Variants in UNC5C observed in about 807,000 individuals in gnomAD.
The protein encoded by UNC5C is unc-5 netrin receptor C, also known as netrin receptor UNC5C.
A neutral mutation model predicts 99.8 loss-of-function variants in UNC5C; 47 were observed. That is an observed-to-expected ratio of 0.47 (90% CI 0.37 to 0.60). The LOEUF is 0.60. UNC5C is among the 20% of genes least tolerant of loss of function. The pLI is 0.00. For missense variants in UNC5C, 1,062 were observed against 1,165.9 expected, an observed-to-expected ratio of 0.91 and a Z score of 1.30; for synonymous variants, 487 against 452.2, an observed-to-expected ratio of 1.08 and a Z score of -0.98.
chr4:95,213,921 T>C (rs1448890847), intron 10 of UNC5C, among the ~76,000 whole-genome samples: 2 of 152,130 alleles, frequency 1.3e-5, no homozygotes, highest in African/African-American at 4.8e-5. Flanking sequence ...GATGGCACAT[T>C]AGGAAGCAGA....
chr4:95,351,223 C>G (rs1743976087), intron 1 of UNC5C, among the ~76,000 whole-genome samples: 1 of 152,174 alleles, frequency 6.6e-6, no homozygotes, highest in African/African-American at 2.4e-5. Flanking sequence ...CTTTTCTTCC[C>G]CATGAGATGG....
intron 12 of UNC5C, among the ~76,000 whole-genome samples, chr4:95,193,554 G>T (rs533279305): frequency 6.6e-6 from 1 of 152,098 alleles, no homozygotes; most frequent in Admixed American, 6.5e-5. Flanking sequence ...AATCACATCT[G>T]CCATCAGATT....
chr4:95,445,760 T>G (rs1368377837), intron 1 of UNC5C, among the ~76,000 whole-genome samples: 1 of 151,902 alleles, frequency 6.6e-6, no homozygotes, highest in Non-Finnish European at 1.5e-5. Context: ...GTGAGAGAAA[T>G]GTAGATCGAG....
intron 6 of UNC5C, among the ~76,000 whole-genome samples, chr4:95,244,262 C>A (rs765406590): frequency 6.6e-6 from 1 of 152,118 alleles, no homozygotes; most frequent in Non-Finnish European, 1.5e-5. Flanking sequence ...TATAACGAGG[C>A]ATTTTAAAGG....
At position 95,166,049 on chromosome 4, in the gene UNC5C, G is replaced by A. The variant is rs1167196464; in HGVS notation, c.*3185C>T. 1 of 152,174 alleles carries A rather than the reference G, an allele frequency of 6.6e-6. No homozygotes were observed. The highest frequency in any genetic ancestry group is 1.5e-5 in the Non-Finnish European group (1 of 68,026). The allele number at this position is 152,174 out of a possible 1,614,324, so 9.4% of individuals were successfully genotyped here. On this transcript the variant is annotated 3_prime_UTR_variant, in exon 16 of 16. Transcript: ENST00000453304. ...TCATAAAGGTCCTTGAACTCTACAG[G>A]TTTTCATTCCCTTCGTCAAACACAT...
chr4:95,215,621 A>T (rs1212624130), intron 10 of UNC5C, among the ~76,000 whole-genome samples: 1 of 152,010 alleles, frequency 6.6e-6, no homozygotes, highest in Non-Finnish European at 1.5e-5. Context: ...ATAAGTGTTA[A>T]ACATAAGAAG....
chr4:95,172,252 C>T (rs1736150235), intron 14 of UNC5C, among the ~76,000 whole-genome samples: 1 of 149,172 alleles, frequency 6.7e-6, no homozygotes, highest in South Asian at 2.1e-4. Context: ...AATGAGATCC[C>T]ATTTGTCAAT....
intron 1 of UNC5C, among the ~76,000 whole-genome samples, chr4:95,436,237 T>C (rs17023861): frequency 0.16 from 24,860 of 151,650 alleles, 2,595 homozygotes; most frequent in Admixed American, 0.3. Flanking sequence ...AACAGCTAGA[T>C]AAAAAGTAAT....
chr4:95,281,722 G>A (rs981844054), intron 3 of UNC5C, among the ~76,000 whole-genome samples: 1 of 152,206 alleles, frequency 6.6e-6, no homozygotes. Flanking sequence ...AGATGGGCAG[G>A]GAAGCAGAGA....
chr4:95,376,022 C>T (rs1190570104), intron 1 of UNC5C, among the ~76,000 whole-genome samples: 2 of 152,106 alleles, frequency 1.3e-5, no homozygotes, highest in Admixed American at 6.6e-5. Context: ...CACTGCACTC[C>T]AGCCTGGGCA....
chr4:95,448,992 C>G (rs1419991667), intron 1 of UNC5C, among the ~76,000 whole-genome samples: 1 of 152,060 alleles, frequency 6.6e-6, no homozygotes. Context: ...CCAGGTAAGA[C>G]CCCATATCCA....
chr4:95,211,724 A>T (rs1738080817), intron 10 of UNC5C, among the ~76,000 whole-genome samples: 1 of 152,174 alleles, frequency 6.6e-6, no homozygotes, highest in Non-Finnish European at 1.5e-5. Flanking sequence ...CGCCTACTTT[A>T]TCTTATCTTT....
chr4:95,387,305 G>A (rs1195628039), intron 1 of UNC5C, among the ~76,000 whole-genome samples: 1 of 151,994 alleles, frequency 6.6e-6, no homozygotes, highest in Non-Finnish European at 1.5e-5. Flanking sequence ...TGCCAGGCTA[G>A]TTTTAATTGG....
chr4:95,478,101 A>G (rs1261408379), intron 1 of UNC5C, among the ~76,000 whole-genome samples: 1 of 151,994 alleles, frequency 6.6e-6, no homozygotes, highest in Non-Finnish European at 1.5e-5. Flanking sequence ...CCAAAACCCA[A>G]TACCAAATTT....
chr4:95,426,274 C>A (rs752537646), intron 1 of UNC5C, among the ~76,000 whole-genome samples: 59 of 152,132 alleles, frequency 3.9e-4, no homozygotes, highest in Admixed American at 1.8e-3. Context: ...TTTTGATGTG[C>A]CATGAACCAC....
intron 1 of UNC5C, among the ~76,000 whole-genome samples, chr4:95,372,471 A>G (rs6846874): frequency 0.46 from 69,187 of 151,768 alleles, 17,750 homozygotes; most frequent in African/African-American, 0.7. Flanking sequence ...CAGAAAAGCG[A>G]TTTCCAAACG....
At chr4:95,338,858 G>C (rs536964926) in intron 1 of UNC5C, among the ~76,000 whole-genome samples, 1 of 151,972 alleles carries the variant, frequency 6.6e-6, no homozygotes, top group African/African-American at 2.4e-5. Context: ...AACAGGACTG[G>C]CTACAAAATT....
At chr4:95,173,792 A>G (rs1736223327) in intron 14 of UNC5C, among the ~76,000 whole-genome samples, 1 of 152,070 alleles carries the variant, frequency 6.6e-6, no homozygotes, top group Non-Finnish European at 1.5e-5. Context: ...TTTTCTATTG[A>G]TTGGAATAGT....
At chr4:95,174,106 A>G (rs1480788800) in intron 14 of UNC5C, among the ~76,000 whole-genome samples, 1 of 151,476 alleles carries the variant, frequency 6.6e-6, no homozygotes, top group Non-Finnish European at 1.5e-5. Context: ...ATCATTTTTT[A>G]TTGCGTCTAT....
Sources: allele counts gnomAD v4.1 joint callset (sites outside exome capture counted in the v4.1 genomes callset), GRCh38; gene constraint gnomAD v4.1.1; transcripts MANE v1.5; gene names NCBI Gene and HGNC (gene_info 2026-07-23, HGNC 2026-07-21).